ITGB6: variants seen among roughly 807,000 people sequenced by gnomAD.
ITGB6 encodes integrin subunit beta 6, also known as integrin beta-6.
In ITGB6, 80 loss-of-function variants were observed where a neutral mutation model predicts 84.5. That is an observed-to-expected ratio of 0.95 (90% confidence interval 0.79 to 1.14). The LOEUF (loss-of-function observed/expected upper bound fraction) is 1.14. ITGB6 is among the 50% of genes most tolerant of loss of function. ITGB6 has a pLI of 0.00. For synonymous variants in ITGB6, 383 were observed against 354.9 expected (o/e 1.08, Z -0.89); for missense variants, 1,006 against 968.0 (o/e 1.04, Z -0.52).
chr2:160,120,668 T>TAAAAA (rs200095827), intron 12 of ITGB6, among the ~76,000 whole-genome samples: 15 of 16,112 alleles, frequency 9.3e-4, no homozygotes, highest in African/African-American at 1.2e-3. Context: ...AGAGTATAAT[T>TAAAAA]AAAAAAAAAA....
intron 7 of ITGB6, among the ~76,000 whole-genome samples, chr2:160,166,061 A>G (rs1388928634): frequency 6.6e-6 from 1 of 152,212 alleles, no homozygotes; most frequent in African/African-American, 2.4e-5. Flanking sequence ...GCCTAAACAG[A>G]TGAGAAAGAC....
intron 4 of ITGB6, among the ~76,000 whole-genome samples, chr2:160,190,391 T>C (rs1686096274): frequency 6.6e-6 from 1 of 152,072 alleles, no homozygotes; most frequent in African/African-American, 2.4e-5. Flanking sequence ...GCATTGTTAG[T>C]CTAGACTTAC....
At chr2:160,108,164 T>C (rs779637709) in intron 13 of ITGB6, among the ~76,000 whole-genome samples, 2 of 151,420 alleles carry the variant, frequency 1.3e-5, no homozygotes, top group Non-Finnish European at 2.9e-5. Context: ...AAAAGACTAG[T>C]TTAATCACTA....
chr2:160,183,441 T>TA (rs1228535538), intron 4 of ITGB6, among the ~76,000 whole-genome samples: 2 of 152,110 alleles, frequency 1.3e-5, no homozygotes, highest in Admixed American at 1.3e-4. Flanking sequence ...AAAAGCTAAC[T>TA]ATCCTAAATA....
chr2:160,171,775 C>A (rs535979157), intron 6 of ITGB6, among the ~76,000 whole-genome samples: 2 of 152,290 alleles, frequency 1.3e-5, no homozygotes, highest in East Asian at 3.9e-4. Context: ...CATAGAGATG[C>A]ACAAGAACAC....
intron 7 of ITGB6, among the ~76,000 whole-genome samples, chr2:160,148,814 T>C (rs909778824): frequency 2.6e-5 from 4 of 152,246 alleles, no homozygotes; most frequent in African/African-American, 7.2e-5. Context: ...CCTGGCTAAG[T>C]GGCTCCCACA....
intron 4 of ITGB6, among the ~76,000 whole-genome samples, chr2:160,193,943 G>C (rs1009831396): frequency 2.0e-5 from 3 of 152,216 alleles, no homozygotes; most frequent in African/African-American, 7.2e-5. Context: ...GATCGCTTGA[G>C]GTCAGGAGTT....
rs1040099832 is a variant in ITGB6, at chr2:160,099,704, A to G, written c.*2032T>C. The G allele has an allele frequency of 2.0e-5, 3 of 152,216 alleles. No individual in the cohort carries two copies. Among genetic ancestry groups the G allele is most frequent in the Non-Finnish European group, 4.4e-5 (3 of 68,044 alleles). The allele number at this position is 152,216 out of a possible 1,614,324, so 9.4% of individuals were successfully genotyped here. A position where few individuals can be genotyped will look rare whatever the true frequency, so the allele number is the denominator to read the frequency against. Reference sequence around the variant, plus strand: ...TTAAATTACCATGTTTATTTATATCAACACAAAATACAATAATAAACACGA... The same window carrying G: ...TTAAATTACCATGTTTATTTATATCGACACAAAATACAATAATAAACACGA... On this transcript the variant is annotated 3_prime_UTR_variant, in exon 15 of 15. Coordinates refer to ENST00000283249, the MANE Select transcript of ITGB6 (RefSeq NM_000888.5).
intron 7 of ITGB6, among the ~76,000 whole-genome samples, chr2:160,159,167 T>G (rs947434895): frequency 6.6e-6 from 1 of 151,712 alleles, no homozygotes; most frequent in African/African-American, 2.4e-5. Flanking sequence ...AGTCTGCATT[T>G]TAAGAGGTCC....
intron 8 of ITGB6, among the ~76,000 whole-genome samples, chr2:160,140,819 G>A (rs1683971267): frequency 6.6e-6 from 1 of 152,190 alleles, no homozygotes; most frequent in South Asian, 2.1e-4. Context: ...AAGAAATGAA[G>A]TACTTGAGAG....
chr2:160,127,593 A>T (rs765188801), intron 10 of ITGB6, among the ~76,000 whole-genome samples: 2 of 152,228 alleles, frequency 1.3e-5, no homozygotes, highest in Non-Finnish European at 2.9e-5. Flanking sequence ...ACAGGTTCTC[A>T]GGATCTCCTG....
At chr2:160,147,403 A>G (rs1365701704) in intron 7 of ITGB6, among the ~76,000 whole-genome samples, 1 of 152,222 alleles carries the variant, frequency 6.6e-6, no homozygotes, top group Non-Finnish European at 1.5e-5. Context: ...AAGACTTAAA[A>G]TTAATAATTT....
chr2:160,187,409 T>A (rs1274021784), intron 4 of ITGB6, among the ~76,000 whole-genome samples: 1 of 152,208 alleles, frequency 6.6e-6, no homozygotes, highest in African/African-American at 2.4e-5. Flanking sequence ...TCACCTGTTA[T>A]CTAGTTTTAC....
chr2:160,190,355 T>TAA (rs953349227), intron 4 of ITGB6, among the ~76,000 whole-genome samples: 1 of 147,554 alleles, frequency 6.8e-6, no homozygotes, highest in East Asian at 2.0e-4. Context: ...AAAGTATAAT[T>TAA]AAAAAAAAAA....
intron 11 of ITGB6, among the ~76,000 whole-genome samples, chr2:160,124,594 GA>G (rs1683160562): frequency 6.6e-6 from 1 of 152,212 alleles, no homozygotes; most frequent in Non-Finnish European, 1.5e-5. Flanking sequence ...ATCTTGTGCT[GA>G]AAATCACTTT....
intron 8 of ITGB6, among the ~76,000 whole-genome samples, chr2:160,140,983 A>C (rs1173481471): frequency 6.6e-6 from 1 of 152,152 alleles, no homozygotes; most frequent in African/African-American, 2.4e-5. Flanking sequence ...CTATTTTTAA[A>C]AACTTTCCGT....
chr2:160,112,056 G>A (rs369015088), intron 13 of ITGB6, 24 bp downstream of exon 13: 22 of 1,608,642 alleles, frequency 1.4e-5, no homozygotes, highest in East Asian at 1.1e-4. Flanking sequence ...ATTTGCCATC[G>A]GCAATGGAAG....
chr2:160,167,409 A>G (rs926391804), intron 7 of ITGB6, among the ~76,000 whole-genome samples: 1 of 152,230 alleles, frequency 6.6e-6, no homozygotes, highest in Admixed American at 6.5e-5. Context: ...AAATAAAAAT[A>G]AAACAATGAA....
intron 4 of ITGB6, among the ~76,000 whole-genome samples, chr2:160,177,133 ATG>A (rs1161559593): frequency 6.6e-6 from 1 of 152,284 alleles, no homozygotes; most frequent in East Asian, 1.9e-4. Context: ...TTAGCAAAAA[ATG>A]GCATTTGTTA....
Sources: gnomAD v4.1 joint callset for allele counts (sites outside exome capture counted in the v4.1 genomes callset) on GRCh38, gnomAD v4.1.1 for gene constraint, MANE v1.5 for transcripts, NCBI Gene and HGNC (gene_info 2026-07-23, HGNC 2026-07-21) for gene names.